AGBL3: variants seen among roughly 807,000 people sequenced by gnomAD.
AGBL3 encodes the protein AGBL carboxypeptidase 3, also known as cytosolic carboxypeptidase 3.
In AGBL3, 68 loss-of-function variants were observed where a neutral mutation model predicts 94.5. That is an observed-to-expected ratio of 0.72 (90% CI 0.59 to 0.88). AGBL3 has a LOEUF of 0.88. Ranked by LOEUF, AGBL3 falls within the 40% of genes least tolerant of loss-of-function variation. AGBL3 has a pLI of 0.00. For synonymous variants in AGBL3, 354 were observed against 370.7 expected (o/e 0.95, Z 0.52); for missense variants, 934 against 1,103.8 (o/e 0.85, Z 2.18).
intron 12 of AGBL3, among the ~76,000 whole-genome samples, chr7:135,064,459 G>GTTGTGTTAA (rs1819104762): frequency 6.6e-6 from 1 of 152,188 alleles, no homozygotes; most frequent in South Asian, 2.1e-4. Flanking sequence ...CACCTTGGCT[G>GTTGTGTTAA]TTGTGTTAAG....
chr7:135,029,213 T>C (rs1815470863), intron 5 of AGBL3, among the ~76,000 whole-genome samples: 1 of 152,212 alleles, frequency 6.6e-6, no homozygotes, highest in Admixed American at 6.5e-5. Context: ...AGTCTGTCTT[T>C]GAAGCTCTGA....
At chr7:135,008,632 T>C (rs369965332) in intron 4 of AGBL3, among the ~76,000 whole-genome samples, 1 of 136,088 alleles carries the variant, frequency 7.3e-6, no homozygotes, top group Non-Finnish European at 1.6e-5. Flanking sequence ...AAAAAAAAAA[T>C]AGATGAATTG....
At chr7:135,096,763 G>GAAAC (rs1471344517) in intron 15 of AGBL3, among the ~76,000 whole-genome samples, 1 of 144,788 alleles carries the variant, frequency 6.9e-6, no homozygotes, top group Non-Finnish European at 1.5e-5. Flanking sequence ...AAGAAAGAAA[G>GAAAC]AAAGAAAGAA....
chr7:135,096,151 C>CAAAA (rs201040922), intron 15 of AGBL3, among the ~76,000 whole-genome samples: 225 of 147,920 alleles, frequency 1.5e-3, no homozygotes, highest in African/African-American at 2.9e-3. Context: ...GACTCTCTCT[C>CAAAA]AAAAAAAAAA....
intron 16 of AGBL3, among the ~76,000 whole-genome samples, chr7:135,123,587 A>T (rs1827443734): frequency 6.6e-6 from 1 of 152,150 alleles, no homozygotes; most frequent in African/African-American, 2.4e-5. Context: ...AAGACACATA[A>T]TCTTCAGATT....
At chr7:135,028,174 G>A (rs571402764) in intron 5 of AGBL3, among the ~76,000 whole-genome samples, 2 of 151,652 alleles carry the variant, frequency 1.3e-5, no homozygotes, top group Non-Finnish European at 2.9e-5. Context: ...GACTGATCAG[G>A]GTGGTGGTTG....
At chr7:135,082,230 CCTCT>C (rs1468054915) in intron 15 of AGBL3, among the ~76,000 whole-genome samples, 1 of 152,086 alleles carries the variant, frequency 6.6e-6, no homozygotes, top group Non-Finnish European at 1.5e-5. Flanking sequence ...TTTAATCTGT[CCTCT>C]CTAATAACAC....
intron 15 of AGBL3, among the ~76,000 whole-genome samples, chr7:135,113,261 A>C (rs1411987441): frequency 6.6e-6 from 1 of 152,164 alleles, no homozygotes; most frequent in Non-Finnish European, 1.5e-5. Flanking sequence ...ATTTCTTTAC[A>C]AAAAAACTTA....
At chr7:135,025,208 A>C (rs906159019) in intron 5 of AGBL3, among the ~76,000 whole-genome samples, 16 of 151,642 alleles carry the variant, frequency 1.1e-4, no homozygotes, top group African/African-American at 3.9e-4. Context: ...AAAAATCTTA[A>C]AGGCAGCGAG....
At chr7:135,101,011 G>A (rs1823751945) in intron 15 of AGBL3, 1 of 355,720 alleles carries the variant, frequency 2.8e-6, no homozygotes, top group Admixed American at 3.7e-5. Flanking sequence ...ATATAACATG[G>A]CTATTACATT....
chr7:135,119,160 T>C (rs902363846), intron 16 of AGBL3, among the ~76,000 whole-genome samples: 5 of 151,556 alleles, frequency 3.3e-5, no homozygotes, highest in African/African-American at 1.2e-4. Flanking sequence ...CATAAACCTA[T>C]AGATCAAAAA....
intron 15 of AGBL3, among the ~76,000 whole-genome samples, chr7:135,105,380 T>C (rs977602881): frequency 6.6e-6 from 1 of 152,182 alleles, no homozygotes; most frequent in African/African-American, 2.4e-5. Context: ...TACATTCAAG[T>C]TTTTAATCCA....
At chr7:135,028,967 A>AAT (rs1340213377) in intron 5 of AGBL3, among the ~76,000 whole-genome samples, 1 of 152,268 alleles carries the variant, frequency 6.6e-6, no homozygotes, top group African/African-American at 2.4e-5. Context: ...AATAAGCAGT[A>AAT]ATATTTTAAA....
intron 16 of AGBL3, among the ~76,000 whole-genome samples, chr7:135,124,875 A>T (rs1827643576): frequency 6.6e-6 from 1 of 152,204 alleles, no homozygotes; most frequent in Non-Finnish European, 1.5e-5. Context: ...AATGTACCAC[A>T]ATCTCTGGGA....
intron 16 of AGBL3, among the ~76,000 whole-genome samples, chr7:135,119,936 A>G (rs567010799): frequency 2.6e-5 from 4 of 152,332 alleles, no homozygotes; most frequent in African/African-American, 9.6e-5. Context: ...CCTACAGAGG[A>G]AAAACAATTT....
rs1810397907 is a variant in AGBL3 at position 134,992,320 on chromosome 7, G to C, written c.125-1173G>C. 2.0e-5 allele frequency among the ~76,000 whole-genome samples: 3 copies of C among 152,202 alleles called. No individual in the cohort carries two copies. The South Asian group carries it at 6.2e-4, about 31-fold the overall frequency. ...GGCTGAGTTCATTATTTAGGTGTCA[G>C]CTCACATGTTACCTCTTCAGAGAAA... On this transcript the variant is annotated intron_variant, in intron 3 of 16. Coordinates refer to ENST00000436302, the MANE Select transcript of AGBL3 (RefSeq NM_178563.4).
At chr7:135,046,912 G>A (rs1164853223) in intron 11 of AGBL3, among the ~76,000 whole-genome samples, 1 of 151,870 alleles carries the variant, frequency 6.6e-6, no homozygotes, top group Non-Finnish European at 1.5e-5. Context: ...GGAGTCGATT[G>A]TTACTTCTTT....
At chr7:135,003,031 A>T (rs1811920880) in intron 4 of AGBL3, among the ~76,000 whole-genome samples, 1 of 152,148 alleles carries the variant, frequency 6.6e-6, no homozygotes, top group Non-Finnish European at 1.5e-5. Flanking sequence ...TTTGTCATGC[A>T]TAAATTTGTA....
chr7:135,016,975 A>G, intron 4 of AGBL3, 77 bp from the exon 5 acceptor site: 5 of 941,216 alleles, frequency 5.3e-6, no homozygotes. Context: ...ATCAATGAAT[A>G]ATTTGAAAAT....
Sources: gnomAD v4.1 joint callset for allele counts (sites outside exome capture counted in the v4.1 genomes callset) on GRCh38, gnomAD v4.1.1 for gene constraint, MANE v1.5 for transcripts, NCBI Gene and HGNC (gene_info 2026-07-23, HGNC 2026-07-21) for gene names.